Variants in GNB5 observed in about 807,000 individuals in gnomAD.
GNB5 encodes the protein G protein subunit beta 5, also known as guanine nucleotide-binding protein subunit beta-5.
In GNB5, 37 loss-of-function variants were observed where a neutral mutation model predicts 55.3. The ratio of observed to expected loss-of-function variants is 0.67; its 90% CI spans 0.51 to 0.88. The LOEUF (loss-of-function observed/expected upper bound fraction) is 0.88, where lower values mean the gene tolerates loss of function less well. Among genes scored for constraint, GNB5 ranks in the 40% least tolerant of loss-of-function variants. GNB5 has a pLI of 0.00. For missense variants in GNB5, 476 were observed against 515.3 expected, an observed-to-expected ratio of 0.92 and a Z score of 0.74; for synonymous variants, 219 against 198.5, an observed-to-expected ratio of 1.10 and a Z score of -0.87.
intron 3 of GNB5, among the ~76,000 whole-genome samples, chr15:52,168,626 A>C (rs1476686918): frequency 6.6e-6 from 1 of 152,200 alleles, no homozygotes; most frequent in Non-Finnish European, 1.5e-5. Flanking sequence ...CTATTTTAAA[A>C]TTCACATGGG....
At chr15:52,150,215 C>A (rs1335263352) in intron 4 of GNB5, among the ~76,000 whole-genome samples, 1 of 152,176 alleles carries the variant, frequency 6.6e-6, no homozygotes, top group Admixed American at 6.5e-5. Flanking sequence ...TTGCAAACCA[C>A]GCACAAATTG....
rs895320204 is a variant in GNB5, at chr15:52,122,094, T to C, written c.*663A>G. On this transcript the variant is annotated 3_prime_UTR_variant, in exon 13 of 13. Coordinates refer to ENST00000261837, the MANE Select transcript of GNB5 (RefSeq NM_016194.4). Reference sequence around the variant, plus strand: ...CTGTCCAAGTGGCACAGTGACATCATCATCATCCATGAGTCAAACCACCTG... The same window carrying C: ...CTGTCCAAGTGGCACAGTGACATCACCATCATCCATGAGTCAAACCACCTG... 6.6e-5 allele frequency: 10 copies of C among 152,218 alleles called. No individual in the cohort carries two copies. Among genetic ancestry groups the C allele is most frequent in the African/African-American group, 2.4e-4 (10 of 41,458 alleles). 9.4% of individuals were successfully genotyped at this position (152,218 alleles called of 1,614,324 possible).
chr15:52,187,635 T>C (rs2034864046), intron 1 of GNB5, among the ~76,000 whole-genome samples: 1 of 152,224 alleles, frequency 6.6e-6, no homozygotes, highest in South Asian at 2.1e-4. Context: ...TAAAAGATGC[T>C]GATAATGTTC....
At chr15:52,130,322 T>C (rs1236430196) in intron 9 of GNB5, among the ~76,000 whole-genome samples, 1 of 152,182 alleles carries the variant, frequency 6.6e-6, no homozygotes, top group East Asian at 1.9e-4. Context: ...TAGCCAGTGT[T>C]CGCCCTGGAA....
In GNB5 at chr15:52,120,166, C is replaced by T. The variant is rs2033231292; in HGVS notation, c.*2591G>A. Reference sequence around the variant, plus strand: ...CCAAGGCTCTACACCCCTGGGGGCCCATCTGTTTGGCCCCTTCACCACAAT... The same window carrying T: ...CCAAGGCTCTACACCCCTGGGGGCCTATCTGTTTGGCCCCTTCACCACAAT... On this transcript the variant is annotated 3_prime_UTR_variant, in exon 13 of 13. Coordinates refer to ENST00000261837, the MANE Select transcript of GNB5 (RefSeq NM_016194.4). The T allele has an allele frequency of 6.6e-6, 1 of 152,218 alleles. No homozygotes were observed. The highest frequency in any genetic ancestry group is 2.4e-5 in the African/African-American group (1 of 41,454). The allele number at this position is 152,218 out of a possible 1,614,324, so 9.4% of individuals were successfully genotyped here. A position where few individuals can be genotyped will look rare whatever the true frequency, so the allele number is the denominator to read the frequency against.
intron 8 of GNB5, among the ~76,000 whole-genome samples, chr15:52,133,913 G>C (rs2033638842): frequency 6.6e-6 from 1 of 152,232 alleles, no homozygotes; most frequent in Non-Finnish European, 1.5e-5. Flanking sequence ...TGCCCAAATG[G>C]AGCAGCCGAG....
exon 1 of GNB5, chr15:52,191,375 GCGCGCAGCTTGAGGTGTGAAGCA>G (rs2141247912): frequency 6.6e-6 from 1 of 152,456 alleles, no homozygotes; most frequent in Non-Finnish European, 1.5e-5. Context: ...GTGAGGACCA[GCGCGCAGCTTGAGGTGTGAAGCA>G]CGTCTCCCAC....
At chr15:52,163,585 A>G (rs904619725) in intron 3 of GNB5, among the ~76,000 whole-genome samples, 4 of 152,076 alleles carry the variant, frequency 2.6e-5, no homozygotes, top group Admixed American at 2.6e-4. Context: ...AACTGGGAGG[A>G]ATTCCCCACA....
intron 1 of GNB5, 73 bp from the exon 2 acceptor site, chr15:52,184,767 G>T: frequency 7.8e-7 from 1 of 1,280,122 alleles, no homozygotes; most frequent in Non-Finnish European, 1.1e-6. Flanking sequence ...ATCTCTTCTT[G>T]CTTGTACCGT....
At chr15:52,190,778 T>TAAAAAAAAAAA (rs58614125) in intron 1 of GNB5, among the ~76,000 whole-genome samples, 13 of 96,904 alleles carry the variant, frequency 1.3e-4, no homozygotes, top group African/African-American at 5.3e-4. Flanking sequence ...CTTATTTCCT[T>TAAAAAAAAAAA]AAAAAAAAAA....
At chr15:52,137,915 A>G (rs1489797892) in intron 7 of GNB5, 1 of 1,287,148 alleles carries the variant, frequency 7.8e-7, no homozygotes, top group Non-Finnish European at 1.0e-6. Context: ...AGTGTCCACA[A>G]GAGAGCCCTT....
intron 3 of GNB5, among the ~76,000 whole-genome samples, chr15:52,163,696 C>T (rs1299135903): frequency 4.6e-5 from 7 of 152,182 alleles, no homozygotes; most frequent in African/African-American, 1.7e-4. Flanking sequence ...GGAGGTTTCC[C>T]CCAGCACAGC....
intron 7 of GNB5, 120 bp from the exon 8 acceptor site, chr15:52,135,876 C>T: frequency 2.8e-6 from 2 of 716,946 alleles, no homozygotes; most frequent in Admixed American, 5.3e-5. Context: ...CACACACACA[C>T]ACACACACAC....
At chr15:52,184,001 G>A (rs1255883615) in intron 2 of GNB5, among the ~76,000 whole-genome samples, 7 of 152,112 alleles carry the variant, frequency 4.6e-5, no homozygotes, top group Non-Finnish European at 1.5e-5. Flanking sequence ...CACTACTGAG[G>A]CCCTGTGAGA....
intron 3 of GNB5, among the ~76,000 whole-genome samples, chr15:52,165,679 T>A (rs2141227242): frequency 6.6e-6 from 1 of 152,216 alleles, no homozygotes; most frequent in Admixed American, 6.5e-5. Flanking sequence ...AGGCCTGCCC[T>A]GTAAAAGCTC....
intron 1 of GNB5, 88 bp from the exon 2 acceptor site, chr15:52,184,782 G>C (rs987525044): frequency 1.5e-5 from 16 of 1,081,502 alleles, no homozygotes; most frequent in Non-Finnish European, 1.9e-5. Context: ...TACCGTGGTA[G>C]CTATTCAGAC....
intron 7 of GNB5, chr15:52,138,717 G>A (rs971655172): frequency 3.3e-5 from 5 of 152,110 alleles, no homozygotes; most frequent in Admixed American, 3.3e-4. Context: ...GTAACTTACA[G>A]TTTATTTTGA....
chr15:52,172,137 T>C (rs931485756), intron 3 of GNB5, among the ~76,000 whole-genome samples: 1 of 152,118 alleles, frequency 6.6e-6, no homozygotes, highest in Non-Finnish European at 1.5e-5. Flanking sequence ...TTTCTCTTTT[T>C]ATTTTTTATT....
chr15:52,128,564 G>T lies in GNB5; in HGVS notation c.864-320C>A, dbSNP rs568786307. 1.9e-4 allele frequency: 109 copies of T among 574,100 alleles called. 2 individuals carry two copies. Among genetic ancestry groups the T allele is most frequent in the South Asian group, 1.6e-3 (105 of 65,212 alleles). 35.6% of individuals were successfully genotyped at this position (574,100 alleles called of 1,614,324 possible). A position where few individuals can be genotyped will look rare whatever the true frequency, so the allele number is the denominator to read the frequency against. ...CCTAAGACTTGGCCCAGAGCTCAGGGATAAGAAAGTGGTTATGAGCACAGA... is the reference window on the plus strand; with the variant it reads ...CCTAAGACTTGGCCCAGAGCTCAGGTATAAGAAAGTGGTTATGAGCACAGA... On this transcript the variant is annotated intron_variant, in intron 9 of 12. Transcript: ENST00000261837.
Sources: allele counts gnomAD v4.1 joint callset (sites outside exome capture counted in the v4.1 genomes callset), GRCh38; gene constraint gnomAD v4.1.1; transcripts MANE v1.5; gene names NCBI Gene and HGNC (gene_info 2026-07-23, HGNC 2026-07-21).